Variants in PDSS2 observed in about 807,000 individuals in gnomAD.
PDSS2 encodes the protein all trans-polyprenyl-diphosphate synthase PDSS2.
Under a neutral mutation model 44.5 loss-of-function variants are expected in PDSS2, and 31 were observed. That is an observed-to-expected ratio of 0.70 (90% CI 0.52 to 0.94). PDSS2 has a LOEUF of 0.94. Ranked by LOEUF, PDSS2 falls within the 40% of genes least tolerant of loss-of-function variation. The pLI, the probability that PDSS2 is intolerant of heterozygous loss-of-function variation, is 0.00. For missense variants in PDSS2, 452 were observed against 482.2 expected (o/e 0.94, Z 0.59); for synonymous variants, 157 against 180.3 (o/e 0.87, Z 1.03).
intron 7 of PDSS2, among the ~76,000 whole-genome samples, chr6:107,160,762 T>G (rs1771097798): frequency 6.6e-6 from 1 of 150,614 alleles, no homozygotes; most frequent in Non-Finnish European, 1.5e-5. Flanking sequence ...GTGTGCAGAG[T>G]GTCCAGGGAA....
In PDSS2 at chr6:107,453,804, AAAG is replaced by A. The variant is rs138243103; in HGVS notation, c.296+5183_296+5185del. Reference sequence around the variant, plus strand: ...GCCTGGAGAAGAAAGGGGAAAAAAGAAAGAATCATGAAGGAAAAAAACAAATAT... The same window carrying A: ...GCCTGGAGAAGAAAGGGGAAAAAAGAAATCATGAAGGAAAAAAACAAATAT... On this transcript the variant is annotated intron_variant, in intron 1 of 7. Transcript: ENST00000369037. Among the ~76,000 whole-genome samples, 105 of 152,310 alleles carry A rather than the reference AAAG, an allele frequency of 6.9e-4. 1 individual carries two copies. In the East Asian group the frequency reaches 0.019, roughly 28 times the overall value.
chr6:107,290,297 A>T (rs1776300036), intron 2 of PDSS2, among the ~76,000 whole-genome samples: 1 of 152,234 alleles, frequency 6.6e-6, no homozygotes, highest in Non-Finnish European at 1.5e-5. Context: ...TCATGGAAGA[A>T]CTGCAGTATT....
intron 1 of PDSS2, among the ~76,000 whole-genome samples, chr6:107,337,566 G>A (rs978510359): frequency 2.0e-5 from 3 of 152,206 alleles, no homozygotes; most frequent in African/African-American, 4.8e-5. Flanking sequence ...TTGTATGGAA[G>A]AGACAACATA....
intron 1 of PDSS2, among the ~76,000 whole-genome samples, chr6:107,451,969 C>T (rs531226861): frequency 7.2e-5 from 11 of 152,128 alleles, no homozygotes; most frequent in Non-Finnish European, 1.5e-4. Flanking sequence ...TTTTCATATG[C>T]TTACTTGCTA....
chr6:107,218,424 T>C (rs1002450202), intron 4 of PDSS2, among the ~76,000 whole-genome samples: 1 of 152,176 alleles, frequency 6.6e-6, no homozygotes, highest in African/African-American at 2.4e-5. Context: ...CTCATTACTT[T>C]TGGGTCTCTA....
intron 3 of PDSS2, among the ~76,000 whole-genome samples, chr6:107,258,716 T>C (rs368783702): frequency 1.9e-4 from 29 of 152,070 alleles, no homozygotes; most frequent in South Asian, 1.0e-3. Context: ...GGCAGGAGAA[T>C]CACTTGAACC....
intron 1 of PDSS2, among the ~76,000 whole-genome samples, chr6:107,352,403 T>C (rs1201397697): frequency 2.0e-5 from 3 of 152,354 alleles, no homozygotes; most frequent in South Asian, 4.1e-4. Flanking sequence ...CAGTAGAAGA[T>C]TCTAAAATTC....
intron 1 of PDSS2, among the ~76,000 whole-genome samples, chr6:107,448,243 T>G (rs1014079698): frequency 6.6e-6 from 1 of 152,206 alleles, no homozygotes; most frequent in African/African-American, 2.4e-5. Flanking sequence ...TTATGCAAAT[T>G]TGTGCAGCCA....
At chr6:107,450,485 ATTAAG>A (rs1392328577) in intron 1 of PDSS2, among the ~76,000 whole-genome samples, 13 of 152,290 alleles carry the variant, frequency 8.5e-5, no homozygotes, top group Admixed American at 5.2e-4. Context: ...AGGATATAGG[ATTAAG>A]TTAAGAAGGC....
chr6:107,226,438 C>T (rs1472818476), intron 4 of PDSS2, among the ~76,000 whole-genome samples: 1 of 152,160 alleles, frequency 6.6e-6, no homozygotes, highest in African/African-American at 2.4e-5. Context: ...TCCCTGAGGA[C>T]ATGACACTTG....
intron 3 of PDSS2, among the ~76,000 whole-genome samples, chr6:107,251,092 G>A (rs1281064085): frequency 6.6e-6 from 1 of 152,162 alleles, no homozygotes; most frequent in Non-Finnish European, 1.5e-5. Flanking sequence ...CTGACCTTGT[G>A]ATCTGCCTGC....
intron 2 of PDSS2, among the ~76,000 whole-genome samples, chr6:107,315,549 T>C (rs1777173151): frequency 6.6e-6 from 1 of 152,112 alleles, no homozygotes; most frequent in Non-Finnish European, 1.5e-5. Context: ...ACTTATTGAG[T>C]GCTGTCATGT....
At chr6:107,186,610 C>T (rs1029734913) in intron 7 of PDSS2, among the ~76,000 whole-genome samples, 6 of 152,026 alleles carry the variant, frequency 3.9e-5, no homozygotes, top group Admixed American at 3.9e-4. Context: ...TCCTTTCGCG[C>T]CCCCCTACCC....
rs540882333 is a variant in PDSS2 at position 107,384,676 on chromosome 6, C to A, written c.297-50344G>T. On this transcript the variant is annotated intron_variant, in intron 1 of 7. Coordinates refer to ENST00000369037, the MANE Select transcript of PDSS2 (RefSeq NM_020381.4). ...AAAAAACACAAAAAAACAAAAAAAA[C>A]CCACTAAACTGTATACTTAAAGAGG... Among the ~76,000 whole-genome samples the A allele has an allele frequency of 3.8e-3, 570 of 150,464 alleles. 3 individuals are homozygous for A. The highest frequency in any genetic ancestry group is 9.6e-3 in the African/African-American group (394 of 41,094).
chr6:107,437,400 C>A (rs749955031), intron 1 of PDSS2, among the ~76,000 whole-genome samples: 3 of 151,888 alleles, frequency 2.0e-5, no homozygotes, highest in Non-Finnish European at 4.4e-5. Context: ...TGGCGCACAC[C>A]TATAGTCCCA....
In PDSS2 at chr6:107,225,230, G is replaced by C. The variant is rs1442370270; in HGVS notation, c.703-12948C>G. ...TCTGTTGCCCAGGCTGGAGTGCAGT[G>C]GCATGATCTTGGGCTCACTGCAACC... On this transcript the variant is annotated intron_variant, in intron 4 of 7. Transcript: ENST00000369037. Among the ~76,000 whole-genome samples, 4 of 128,306 alleles carry C rather than the reference G, an allele frequency of 3.1e-5. No homozygotes were observed. The East Asian group carries it at 8.8e-4, about 28-fold the overall frequency. 84.2% of individuals were successfully genotyped at this position (128,306 alleles called of 152,430 possible).
At chr6:107,248,726 A>G (rs1350976520) in intron 3 of PDSS2, among the ~76,000 whole-genome samples, 1 of 152,226 alleles carries the variant, frequency 6.6e-6, no homozygotes, top group African/African-American at 2.4e-5. Context: ...CTAAGCTTTT[A>G]CAAATGCAAG....
At chr6:107,219,978 G>A (rs949814166) in intron 4 of PDSS2, among the ~76,000 whole-genome samples, 3 of 152,128 alleles carry the variant, frequency 2.0e-5, no homozygotes, top group Admixed American at 6.6e-5. Context: ...GATGAACTTC[G>A]AAAACATTAT....
At chr6:107,302,153 A>T (rs1235478627) in intron 2 of PDSS2, among the ~76,000 whole-genome samples, 1 of 152,210 alleles carries the variant, frequency 6.6e-6, no homozygotes, top group African/African-American at 2.4e-5. Context: ...GACTATTCAC[A>T]ATTTTTATAG....
Sources: gnomAD v4.1 joint callset for allele counts (sites outside exome capture counted in the v4.1 genomes callset) on GRCh38, gnomAD v4.1.1 for gene constraint, MANE v1.5 for transcripts, NCBI Gene and HGNC (gene_info 2026-07-23, HGNC 2026-07-21) for gene names.